The following SH3GL1 variants were observed in gnomAD, a reference collection of about 807,000 sequenced individuals.
SH3GL1 encodes the protein SH3 domain containing GRB2 like 1, endophilin A2.
Under a neutral mutation model 48.8 loss-of-function variants are expected in SH3GL1, and 21 were observed. That is an observed-to-expected ratio of 0.43 (90% confidence interval 0.30 to 0.62). The LOEUF (loss-of-function observed/expected upper bound fraction) is 0.62. Among genes scored for constraint, SH3GL1 ranks in the 20% least tolerant of loss-of-function variants. The pLI, the probability that SH3GL1 is intolerant of heterozygous loss-of-function variation, is 0.11. For missense variants in SH3GL1, 454 were observed against 503.0 expected, an observed-to-expected ratio of 0.90 and a Z score of 0.93; for synonymous variants, 282 against 217.5, an observed-to-expected ratio of 1.30 and a Z score of -2.61.
At chr19:4,370,428 C>T (rs1043257746) in intron 1 of SH3GL1, among the ~76,000 whole-genome samples, 1 of 152,212 alleles carries the variant, frequency 6.6e-6, no homozygotes, top group Admixed American at 6.5e-5. Flanking sequence ...AATGGGGCCA[C>T]TCAGTAGCCA....
In SH3GL1 at chr19:4,361,658, CCGTCCAGCATGCCCTCGTACCAGTT is replaced by C; in HGVS notation, c.1024_1048del (p.Asn342AlafsTer124). Reference sequence around the variant, plus strand: ...GCTGAGCGGGAAGAAGCCCGACTGGCCGTCCAGCATGCCCTCGTACCAGTTCTCATCGATCTGGTTGGTCAGCGTG... The same window carrying C: ...GCTGAGCGGGAAGAAGCCCGACTGGCCTCATCGATCTGGTTGGTCAGCGTG... On this transcript the variant is annotated frameshift_variant, in exon 10 of 10. Transcript: ENST00000269886. LOFTEE classifies it high-confidence loss of function. 6.2e-7 allele frequency: 1 copy of C among 1,611,604 alleles called. No individual in the cohort carries two copies. Among genetic ancestry groups the C allele is most frequent in the Non-Finnish European group, 8.5e-7 (1 of 1,179,652 alleles).
rs1285072374 is a variant in SH3GL1, at chr19:4,366,456, G to A, written c.187+45C>T. ...CCCCTGCCTTCCCTCTGACACAGAG[G>A]CCAGAGGGCCTGGGGCAGGCCCTGG... is the stretch of plus-strand genomic sequence containing the variant. On this transcript the variant is annotated intron_variant, in intron 3 of 9. Transcript: ENST00000269886. The A allele has an allele frequency of 2.0e-6, 3 of 1,485,798 alleles. No individual in the cohort carries two copies. The Admixed American group carries it at 5.3e-5, about 26-fold the overall frequency. The allele number at this position is 1,485,798 out of a possible 1,614,324, so 92.0% of individuals were successfully genotyped here.
In SH3GL1 at chr19:4,361,332, G is replaced by A. The variant is rs529879828; in HGVS notation, c.*268C>T. ...CCAGCTGGGCGAGAAGTTGGGGAGC[G>A]GGGGAGGAGGCTGGCGCCATGGAGT... On this transcript the variant is annotated 3_prime_UTR_variant, in exon 10 of 10. Transcript: ENST00000269886. 415 of 512,082 alleles carry A rather than the reference G, an allele frequency of 8.1e-4. 1 individual carries two copies. Among genetic ancestry groups the A allele is most frequent in the African/African-American group, 6.8e-3 (350 of 51,744 alleles). The allele number at this position is 512,082 out of a possible 1,614,324, so 31.7% of individuals were successfully genotyped here.
At chr19:4,362,035 A>C (rs1335835219) in intron 9 of SH3GL1, among the ~76,000 whole-genome samples, 1 of 152,182 alleles carries the variant, frequency 6.6e-6, no homozygotes. Context: ...AGTGCTGGGG[A>C]CACCCGGTGC....
Position 4,364,676 on chromosome 19 carries a change from G to A in SH3GL1, c.332-455C>T, listed in dbSNP as rs191460077. 8.2e-4 allele frequency: 132 copies of A among 161,932 alleles called. 1 individual carries two copies. In the Middle Eastern group the frequency reaches 0.013, roughly 15 times the overall value. 10.0% of individuals were successfully genotyped at this position (161,932 alleles called of 1,614,324 possible). ...GAACTCCTGACCTTGTGATCCGCCC[G>A]CCTCGGCCTCCCAAAGTGTTGGGAT... On this transcript the variant is annotated intron_variant, in intron 4 of 9. Coordinates refer to ENST00000269886, the MANE Select transcript of SH3GL1 (RefSeq NM_003025.4).
chr19:4,362,627 C>T lies in SH3GL1; in HGVS notation c.838G>A (p.Ala280Thr), dbSNP rs376186521. Reference protein sequence around the residue: ...QSNGGFPCTTAPKIAASSSFR... With the variant: ...QSNGGFPCTTTPKIAASSSFR... The stretch of plus-strand genomic sequence containing the variant: ...GCCCCATTACCTGCGATCTTGGGGG[C>T]TGTGGTGCAGGGGAAGCCCCCGTTG... The change falls in exon 8 of 10, where the codon GCC (alanine) becomes ACC (threonine). Residue 280 changes from alanine (A) to threonine (T), a missense_variant. Around this residue, in one of 2 missense-constraint regions of SH3GL1, gnomAD observed 278 missense variants for 246.8 expected, o/e 1.13. Coordinates refer to ENST00000269886, the MANE Select transcript of SH3GL1 (RefSeq NM_003025.4). 2.4e-5 allele frequency: 39 copies of T among 1,613,686 alleles called. No homozygotes were observed. The highest frequency in any genetic ancestry group is 3.1e-5 in the Non-Finnish European group (36 of 1,179,988).
chr19:4,396,309 G>A (rs1339589245), intron 1 of SH3GL1, among the ~76,000 whole-genome samples: 1 of 152,134 alleles, frequency 6.6e-6, no homozygotes, highest in African/African-American at 2.4e-5. Context: ...TGAGGCAGGA[G>A]AATTGCTTGA....
rs891184134 is a variant in SH3GL1, at chr19:4,367,797, A to C, written c.46-803T>G. Among the ~76,000 whole-genome samples the C allele has an allele frequency of 6.6e-6, 1 of 152,246 alleles. No individual in the cohort carries two copies. ...TGTCCCATGGAACATGGCGGGAACC[A>C]CTGAACCCCAGCACCGCTGTCTGAG... On this transcript the variant is annotated intron_variant, in intron 1 of 9. Coordinates refer to ENST00000269886, the MANE Select transcript of SH3GL1 (RefSeq NM_003025.4). The surrounding 1 kb of genome is among the most constrained non-coding windows in gnomAD (Gnocchi z 4.2).
At chr19:4,387,707 TTTTGTGTTG>T (rs1208970661) in intron 1 of SH3GL1, among the ~76,000 whole-genome samples, 2 of 152,080 alleles carry the variant, frequency 1.3e-5, no homozygotes, top group African/African-American at 2.4e-5. Context: ...GTGCGGGGTT[TTTTGTGTTG>T]TTTTGTTTTT....
Position 4,361,732 on chromosome 19 carries a change from C to T in SH3GL1, c.975G>A (p.Leu325=). The T allele has an allele frequency of 1.9e-6, 3 of 1,613,186 alleles. No homozygotes were observed. The highest frequency in any genetic ancestry group is 2.5e-6 in the Non-Finnish European group (3 of 1,179,872). ...TGATGACGTCGCCCTCATGGAAGCCCAGCTCCCCGTCGTTCTCGGGCTCGA... is the reference window on the plus strand; with the variant it reads ...TGATGACGTCGCCCTCATGGAAGCCTAGCTCCCCGTCGTTCTCGGGCTCGA... ...YDFEPENDGE[L]GFHEGDVITL... Residue 325 remains leucine, a synonymous_variant, in exon 10 of 10, where the codon CTG becomes CTA. Transcript: ENST00000269886.
In SH3GL1 at chr19:4,367,235, C is replaced by T. The variant is rs1017016906; in HGVS notation, c.46-241G>A. Reference sequence around the variant, plus strand: ...GTGGCCTGCCCACCTGTGTGTGTCCCGACTGCCACTCACATACCCACTGGG... The same window carrying T: ...GTGGCCTGCCCACCTGTGTGTGTCCTGACTGCCACTCACATACCCACTGGG... On this transcript the variant is annotated intron_variant, in intron 1 of 9. Coordinates refer to ENST00000269886, the MANE Select transcript of SH3GL1 (RefSeq NM_003025.4). This position sits in a 1 kb window ranked among gnomAD's most constrained non-coding sequence, Gnocchi z 4.2. Among the ~76,000 whole-genome samples the T allele has an allele frequency of 7.2e-5, 11 of 152,270 alleles. No homozygotes were observed. The highest frequency in any genetic ancestry group is 2.6e-4 in the African/African-American group (11 of 41,576).
rs1972780311 is a variant in SH3GL1, at chr19:4,366,416, T to C, written c.187+85A>G. ...GCCTGAAGCCCACAACCCATGAGCC[T>C]GGCGGTTCTGTCATCCCCTGCCTTC... On this transcript the variant is annotated intron_variant, in intron 3 of 9. Transcript: ENST00000269886. 3 of 1,074,602 alleles carry C rather than the reference T, an allele frequency of 2.8e-6. No homozygotes were observed. In the East Asian group the frequency reaches 7.6e-5, roughly 27 times the overall value. 66.6% of individuals were successfully genotyped at this position (1,074,602 alleles called of 1,614,324 possible).
chr19:4,364,489 G>A (rs942861924), intron 4 of SH3GL1: 5 of 468,702 alleles, frequency 1.1e-5, no homozygotes, highest in African/African-American at 7.9e-5. Context: ...GCAGTGCAGT[G>A]GCATGATCTC....
At chr19:4,394,983 C>A (rs1168739235) in intron 1 of SH3GL1, among the ~76,000 whole-genome samples, 4 of 152,280 alleles carry the variant, frequency 2.6e-5, no homozygotes, top group Non-Finnish European at 5.9e-5. Flanking sequence ...AGGAAGGGGT[C>A]TGCGCCATCC....
In SH3GL1 at chr19:4,361,608, G is replaced by T; in HGVS notation, c.1099C>A (p.Pro367Thr). Residue 367 changes from proline (P) to threonine (T), a missense_variant, in exon 10 of 10, where the codon CCG (proline) becomes ACG (threonine). By Grantham distance (38) the Pro-to-Thr change is conservative (BLOSUM62 -1). Coordinates refer to ENST00000269886, the MANE Select transcript of SH3GL1 (RefSeq NM_003025.4). ...GCGGGGACACGGGTGAGTCACTGCG[G>T]CAGGGGCACAAGCACCTCCACGTAG... ...LSYVEVLVPL[P>T]Q The T allele has an allele frequency of 6.3e-7, 1 of 1,597,798 alleles. No homozygotes were observed.
intron 1 of SH3GL1, among the ~76,000 whole-genome samples, chr19:4,368,244 C>T (rs567246346): frequency 2.2e-3 from 330 of 152,344 alleles, no homozygotes; most frequent in African/African-American, 7.6e-3. Context: ...CATGAGGGTC[C>T]GTGTGGTGCC....
At chr19:4,395,551 A>C (rs1029107709) in intron 1 of SH3GL1, 3 of 152,206 alleles carry the variant, frequency 2.0e-5, no homozygotes, top group Non-Finnish European at 2.9e-5. Context: ...TCACCTTTTG[A>C]AGGCTTATTC....
At position 4,364,128 on chromosome 19, in the gene SH3GL1, G is replaced by C; in HGVS notation, c.425C>G (p.Pro142Arg). Residue 142 changes from proline to arginine, a missense_variant, in exon 5 of 10, where the codon CCC becomes CGC. Pro to Arg is a moderately radical substitution (Grantham distance 103, BLOSUM62 -2). This residue lies in a region of SH3GL1 where 176 missense variants were observed against 256.2 expected (regional missense o/e 0.69). Transcript: ENST00000269886. ...GTCTTTCTCGCACAGGTTCTGGAGG[G>C]GGTCAATGAAGTTCTGCTTGACCTC... ...DIEVKQNFID[P>R]LQNLCEKDLK... is the part of the protein sequence containing the mutation. 6.2e-7 allele frequency: 1 copy of C among 1,613,734 alleles called. No individual in the cohort carries two copies. The highest frequency in any genetic ancestry group is 8.5e-7 in the Non-Finnish European group (1 of 1,179,988).
Position 4,361,579 on chromosome 19 carries a change from CG to C in SH3GL1, c.*20del. 6.4e-7 allele frequency: 1 copy of C among 1,551,226 alleles called. No individual in the cohort carries two copies. The stretch of plus-strand genomic sequence containing the variant: ...GTGCCGGCCAGTGTGGACGGAGGGG[CG>C]GGGCGGGGACACGGGTGAGTCACTG... On this transcript the variant is annotated 3_prime_UTR_variant, in exon 10 of 10. Transcript: ENST00000269886.
Sources: allele counts gnomAD v4.1 joint callset (sites outside exome capture counted in the v4.1 genomes callset), GRCh38; gene constraint gnomAD v4.1.1; regional missense constraint gnomAD v4.1.1; non-coding constraint Gnocchi (gnomAD v3.1); transcripts MANE v1.5; gene names NCBI Gene and HGNC (gene_info 2026-07-23, HGNC 2026-07-21).